The following CORO2B variants were observed in gnomAD, a reference collection of about 807,000 sequenced individuals.
CORO2B encodes the protein coronin-2B.
In CORO2B, 26 loss-of-function variants were observed where a neutral mutation model predicts 58.8. The ratio of observed to expected loss-of-function variants is 0.44; its 90% CI spans 0.32 to 0.61. The LOEUF is 0.61. Ranked by LOEUF, CORO2B falls within the 20% of genes least tolerant of loss-of-function variation. The pLI is 0.04. For missense variants in CORO2B, 460 were observed against 645.1 expected, an observed-to-expected ratio of 0.71 and a Z score of 3.11; for synonymous variants, 242 against 253.8, an observed-to-expected ratio of 0.95 and a Z score of 0.44.
At chr15:68,634,954 C>G (rs1038737823) in intron 1 of CORO2B, among the ~76,000 whole-genome samples, 1 of 152,168 alleles carries the variant, frequency 6.6e-6, no homozygotes, top group Non-Finnish European at 1.5e-5. Context: ...ACAGGAAGCA[C>G]CTGGTGGGCT....
At chr15:68,559,474 C>T in the CORO2B span, 1 of 437,772 alleles carries the variant, frequency 2.3e-6, no homozygotes, top group Non-Finnish European at 3.0e-6. The surrounding 1 kb of genome is among the most constrained non-coding windows in gnomAD (Gnocchi z 4.3). Context: ...CTGCCCCAGT[C>T]TTGAGTCTGG....
At chr15:68,551,401 G>A in the CORO2B span, among the ~76,000 whole-genome samples, 1 of 152,172 alleles carries the variant, frequency 6.6e-6, no homozygotes, top group African/African-American at 2.4e-5. Context: ...ACCTTTGAGA[G>A]CCTTGCCTCA....
intron 1 of CORO2B, among the ~76,000 whole-genome samples, chr15:68,609,131 G>A (rs933318319): frequency 2.0e-5 from 3 of 152,200 alleles, no homozygotes; most frequent in Non-Finnish European, 4.4e-5. Context: ...GGGCCTCCAG[G>A]GATGGTTGGG....
chr15:68,670,063 A>AG (rs1902335773), intron 2 of CORO2B, among the ~76,000 whole-genome samples: 1 of 147,916 alleles, frequency 6.8e-6, no homozygotes, highest in Admixed American at 6.7e-5. Flanking sequence ...TCTCAGAAAA[A>AG]AAAAAGGGGG....
intron 2 of CORO2B, among the ~76,000 whole-genome samples, chr15:68,654,601 A>G (rs778615385): frequency 2.6e-5 from 4 of 152,104 alleles, no homozygotes; most frequent in Non-Finnish European, 5.9e-5. Context: ...TAGCTGTGAA[A>G]CCCTAGGCAT....
At chr15:68,653,265 C>T (rs1901698523) in intron 2 of CORO2B, among the ~76,000 whole-genome samples, 1 of 152,162 alleles carries the variant, frequency 6.6e-6, no homozygotes, top group South Asian at 2.1e-4. Context: ...AGTCAGAGTT[C>T]CTGGACCGAA....
At chr15:68,616,125 A>G (rs748293713) in intron 1 of CORO2B, among the ~76,000 whole-genome samples, 1 of 152,186 alleles carries the variant, frequency 6.6e-6, no homozygotes, top group Non-Finnish European at 1.5e-5. Context: ...TAATTGCCCA[A>G]GGACTGACTC....
the CORO2B span, among the ~76,000 whole-genome samples, chr15:68,522,596 C>T: frequency 3.3e-5 from 5 of 151,762 alleles, no homozygotes; most frequent in Admixed American, 1.3e-4. Flanking sequence ...ATTACAGGTG[C>T]GTGCCACCAT....
At chr15:68,698,946 A>G (rs1479478025) in intron 3 of CORO2B, among the ~76,000 whole-genome samples, 1 of 152,198 alleles carries the variant, frequency 6.6e-6, no homozygotes, top group Non-Finnish European at 1.5e-5. Context: ...CTATGCACAC[A>G]GAGAAGAGAG....
Position 68,725,824 on chromosome 15 carries a change from C to A in CORO2B, c.1312-19C>A. 6.2e-7 allele frequency: 1 copy of A among 1,612,948 alleles called. No individual in the cohort carries two copies. The stretch of plus-strand genomic sequence containing the variant: ...TCTCTCCTGGGCCCTCCTTGGCCCC[C>A]TCTCTTCCTCCACCCCAGCTCCTTC... On this transcript the variant is annotated intron_variant, in intron 11 of 11. Transcript: ENST00000261861.
At chr15:68,608,677 C>G (rs142018716) in intron 1 of CORO2B, among the ~76,000 whole-genome samples, 2 of 152,314 alleles carry the variant, frequency 1.3e-5, no homozygotes, top group East Asian at 1.9e-4. Context: ...GGAGGGAACT[C>G]CCCATGAACA....
the CORO2B span, among the ~76,000 whole-genome samples, chr15:68,562,586 A>T: frequency 6.6e-6 from 1 of 152,256 alleles, no homozygotes; most frequent in African/African-American, 2.4e-5. Context: ...GGAAATACAT[A>T]TACAAAAAAA....
rs1179087382 is a variant in CORO2B, at chr15:68,579,222, C to T, written c.-41C>T. 1.8e-6 allele frequency: 2 copies of T among 1,081,464 alleles called. No individual in the cohort carries two copies. The highest frequency in any genetic ancestry group is 1.2e-4 in the East Asian group (2 of 16,456). 67.0% of individuals were successfully genotyped at this position (1,081,464 alleles called of 1,614,324 possible). ...CCCCGGGCCGCCGCCGCCGCCCCCGCACGCCGCGCCCGCGCCCCCGCTCCG... is the reference window on the plus strand; with the variant it reads ...CCCCGGGCCGCCGCCGCCGCCCCCGTACGCCGCGCCCGCGCCCCCGCTCCG... On this transcript the variant is annotated 5_prime_UTR_variant, in exon 1 of 12. Coordinates refer to ENST00000261861, the MANE Select transcript of CORO2B (RefSeq NM_006091.5).
At chr15:68,556,390 G>A in the CORO2B span, among the ~76,000 whole-genome samples, 1 of 152,128 alleles carries the variant, frequency 6.6e-6, no homozygotes, top group Non-Finnish European at 1.5e-5. Flanking sequence ...CCAGGCACAG[G>A]TCCCTACAAC....
At chr15:68,653,543 C>T (rs1901708597) in intron 2 of CORO2B, among the ~76,000 whole-genome samples, 1 of 152,256 alleles carries the variant, frequency 6.6e-6, no homozygotes, top group East Asian at 1.9e-4. Context: ...CAGCACCATA[C>T]AGGGGCTGCC....
chr15:68,693,590 C>G (rs1443411211), intron 2 of CORO2B, among the ~76,000 whole-genome samples: 1 of 152,192 alleles, frequency 6.6e-6, no homozygotes, highest in Non-Finnish European at 1.5e-5. Flanking sequence ...CCTATTCCCC[C>G]TCCCTTCTCT....
intron 2 of CORO2B, among the ~76,000 whole-genome samples, chr15:68,660,536 A>G (rs2140286166): frequency 6.6e-6 from 1 of 152,110 alleles, no homozygotes; most frequent in Admixed American, 6.5e-5. Flanking sequence ...ACACCTGGCT[A>G]ATTTTTTTAT....
At position 68,609,578 on chromosome 15, in the gene CORO2B, G is replaced by A. The variant is rs186269803; in HGVS notation, c.15+30301G>A. Among the ~76,000 whole-genome samples, 23 of 152,324 alleles carry A rather than the reference G, an allele frequency of 1.5e-4. 1 individual carries two copies. In the East Asian group the frequency reaches 4.4e-3, roughly 29 times the overall value. On this transcript the variant is annotated intron_variant, in intron 1 of 11. Transcript: ENST00000261861. ...CTCCCGAATCCACATCTCTTTTGGA[G>A]TTGGGGGAGTAAATGGGGTTTTCAT...
chr15:68,692,597 AT>A (rs1489687193), intron 2 of CORO2B, among the ~76,000 whole-genome samples: 6 of 81,738 alleles, frequency 7.3e-5, no homozygotes, highest in Admixed American at 3.0e-4. Context: ...AAGCAAATAA[AT>A]AAAAAAAATT....
Sources: gnomAD v4.1 joint callset for allele counts (sites outside exome capture counted in the v4.1 genomes callset) on GRCh38, gnomAD v4.1.1 for gene constraint, Gnocchi (gnomAD v3.1) non-coding constraint, MANE v1.5 for transcripts, NCBI Gene and HGNC (gene_info 2026-07-23, HGNC 2026-07-21) for gene names.